ATG2B: variants seen among roughly 807,000 people sequenced by gnomAD.
The protein encoded by ATG2B is autophagy related 2B, also known as autophagy-related protein 2 homolog B.
In ATG2B, 121 loss-of-function variants were observed where a neutral mutation model predicts 241.3. That is an observed-to-expected ratio of 0.50 (90% CI 0.43 to 0.58). The LOEUF (loss-of-function observed/expected upper bound fraction) is 0.58, where lower values mean the gene tolerates loss of function less well. ATG2B is among the 20% of genes least tolerant of loss of function. ATG2B has a pLI of 0.00. For synonymous variants in ATG2B, 858 were observed against 876.6 expected, an observed-to-expected ratio of 0.98 and a Z score of 0.37; for missense variants, 2,306 against 2,491.6, an observed-to-expected ratio of 0.93 and a Z score of 1.59.
chr14:96,343,823 A>T (rs117881090), intron 4 of ATG2B, among the ~76,000 whole-genome samples: 1 of 152,232 alleles, frequency 6.6e-6, no homozygotes, highest in Non-Finnish European at 1.5e-5. Flanking sequence ...GATTTTTTTA[A>T]ATCTACTATT....
Position 96,305,665 on chromosome 14 carries a change from C to A in ATG2B, c.4657G>T (p.Val1553Phe). ...CCATAAAGATGCCAGACAAGAGAGA[C>A]CTCCTTCACCACATAGCGAATCACA... is the stretch of plus-strand genomic sequence containing the variant. ...IPVIRYVVKE[V>F]SLVWHLYGGK... The change falls in exon 31 of 42, where the codon GTC (valine) becomes TTC (phenylalanine). Residue 1553 changes from valine to phenylalanine, a missense_variant. Val to Phe is a conservative substitution (Grantham distance 50). This residue lies in a region of ATG2B where 1,927 missense variants were observed against 2,011.2 expected (regional missense o/e 0.96). Transcript: ENST00000359933. 2 of 1,614,182 alleles carry A rather than the reference C, an allele frequency of 1.2e-6. No homozygotes were observed. The highest frequency in any genetic ancestry group is 1.7e-6 in the Non-Finnish European group (2 of 1,180,026).
intron 5 of ATG2B, among the ~76,000 whole-genome samples, 169 bp downstream of exon 5, chr14:96,342,950 G>A (rs1268713683): frequency 6.6e-6 from 1 of 152,008 alleles, no homozygotes; most frequent in Non-Finnish European, 1.5e-5. Context: ...ATAAATATTA[G>A]TATTTTCAAA....
rs561560167 is a variant in ATG2B at position 96,291,944 on chromosome 14, T to C, written c.5496+85A>G. ...TCATTTCAAACATATATATAAACTA[T>C]GACAAAGCAAAGTTAAAAATAAAAA... is the stretch of plus-strand genomic sequence containing the variant. On this transcript the variant is annotated intron_variant, in intron 37 of 41. Coordinates refer to ENST00000359933, the MANE Select transcript of ATG2B (RefSeq NM_018036.7). 7 of 969,510 alleles carry C rather than the reference T, an allele frequency of 7.2e-6. No individual in the cohort carries two copies. The Middle Eastern group carries it at 9.7e-4, about 134-fold the overall frequency. 60.1% of individuals were successfully genotyped at this position (969,510 alleles called of 1,614,324 possible).
At position 96,306,828 on chromosome 14, in the gene ATG2B, C is replaced by G; in HGVS notation, c.4392G>C (p.Glu1464Asp). 1 of 1,614,094 alleles carries G rather than the reference C, an allele frequency of 6.2e-7. No homozygotes were observed. Among genetic ancestry groups the G allele is most frequent in the Non-Finnish European group, 8.5e-7 (1 of 1,180,014 alleles). Reference sequence around the variant, plus strand: ...AGAATGAGGCATAGGTGGGGCCGGACTCCTGGGATACATTCCCACTCTCGT... The same window carrying G: ...AGAATGAGGCATAGGTGGGGCCGGAGTCCTGGGATACATTCCCACTCTCGT... The part of the protein sequence containing the change: ...FPDESGNVSQ[E>D]SGPTYASFSH... The change falls in exon 30 of 42, where the codon GAG (glutamate) becomes GAC (aspartate). Residue 1464 changes from glutamate to aspartate, a missense_variant. This residue lies in a region of ATG2B where 1,927 missense variants were observed against 2,011.2 expected (regional missense o/e 0.96). Coordinates refer to ENST00000359933, the MANE Select transcript of ATG2B (RefSeq NM_018036.7).
Position 96,285,984 on chromosome 14 carries a change from C to T in ATG2B, c.6008G>A (p.Gly2003Glu). The T allele has an allele frequency of 4.3e-6, 7 of 1,610,050 alleles. No homozygotes were observed. The highest frequency in any genetic ancestry group is 5.1e-6 in the Non-Finnish European group (6 of 1,177,504). ...AATGGTCTGAGCCGTGTCTGTGATT[C>T]CCTGCGTAGAGGAGGGAGGTAGGAG... ...VAKAYSVVKE[G>E]ITDTAQTIYE... Residue 2003 changes from glycine (G) to glutamate (E), a missense_variant and splice_region_variant, in exon 42 of 42, where the codon GGA (glycine) becomes GAA (glutamate). By Grantham distance (98) the Gly-to-Glu change is moderately conservative. This residue lies in a region of ATG2B where 379 missense variants were observed against 480.4 expected (regional missense o/e 0.79). Coordinates refer to ENST00000359933, the MANE Select transcript of ATG2B (RefSeq NM_018036.7). The surrounding 1 kb of genome is among the most constrained non-coding windows in gnomAD (Gnocchi z 4.2).
At chr14:96,323,536 A>G (rs1887511992) in intron 16 of ATG2B, among the ~76,000 whole-genome samples, 1 of 152,210 alleles carries the variant, frequency 6.6e-6, no homozygotes, top group African/African-American at 2.4e-5. Flanking sequence ...TACATATCCT[A>G]ATATAAATTG....
In ATG2B at chr14:96,363,172, A is replaced by G; in HGVS notation, c.-196T>C. The G allele has an allele frequency of 1.7e-6, 1 of 590,962 alleles. No individual in the cohort carries two copies. Among genetic ancestry groups the G allele is most frequent in the South Asian group, 2.0e-5 (1 of 48,782 alleles). 36.6% of individuals were successfully genotyped at this position (590,962 alleles called of 1,614,324 possible). On this transcript the variant is annotated 5_prime_UTR_variant, in exon 1 of 42. Coordinates refer to ENST00000359933, the MANE Select transcript of ATG2B (RefSeq NM_018036.7). ...TCGCGCTGGGCCTGGCGGAGGCAAG[A>G]CGCAGAGGGGTCCTCCTGGCCCCAG...
intron 34 of ATG2B, among the ~76,000 whole-genome samples, 198 bp downstream of exon 34, chr14:96,301,808 GA>G (rs1290479921): frequency 6.6e-6 from 1 of 151,552 alleles, no homozygotes; most frequent in Non-Finnish European, 1.5e-5. Context: ...GGAGACTGGG[GA>G]ATAACATCTA....
At chr14:96,318,276 T>C (rs909426541) in intron 18 of ATG2B, 3 of 153,744 alleles carry the variant, frequency 2.0e-5, no homozygotes, top group Non-Finnish European at 4.3e-5. Flanking sequence ...TCCTGCATCA[T>C]CTCACTGACC....
intron 4 of ATG2B, among the ~76,000 whole-genome samples, chr14:96,344,155 C>T (rs954179359): frequency 6.6e-6 from 1 of 152,170 alleles, no homozygotes. Flanking sequence ...CTAAAAGCAA[C>T]GTACTTATAT....
Position 96,304,538 on chromosome 14 carries a change from T to C in ATG2B, c.4799A>G (p.Lys1600Arg), listed in dbSNP as rs759204671. The change falls in exon 32 of 42, where the codon AAA (lysine) becomes AGA (arginine). Residue 1600 changes from lysine (K) to arginine (R), a missense_variant. This residue lies in a region of ATG2B where 1,927 missense variants were observed against 2,011.2 expected (regional missense o/e 0.96). Transcript: ENST00000359933. ...CATTAAAAAGTCATGGTTCCTTCCT[T>C]TTCCCCCACATACTGTATTACGTCC... Reference protein sequence around the residue: ...RHGRNTVCGGKGRNHDFLMEI... With the variant: ...RHGRNTVCGGRGRNHDFLMEI... The C allele has an allele frequency of 3.7e-6, 6 of 1,613,558 alleles. No homozygotes were observed. In the African/African-American group the frequency reaches 8.0e-5, roughly 22 times the overall value.
chr14:96,356,218 C>T (rs565349745), intron 1 of ATG2B, among the ~76,000 whole-genome samples: 49 of 151,500 alleles, frequency 3.2e-4, no homozygotes, highest in Non-Finnish European at 6.2e-4. Flanking sequence ...AACATTTCAT[C>T]AGCACCTACT....
intron 23 of ATG2B, 141 bp from the exon 24 acceptor site, chr14:96,313,576 T>A (rs1887223366): frequency 3.9e-6 from 2 of 516,048 alleles, no homozygotes; most frequent in South Asian, 7.2e-5. Flanking sequence ...AGGAAAAAAA[T>A]CATCATTTTG....
At chr14:96,350,229 T>C (rs1312720832) in intron 1 of ATG2B, among the ~76,000 whole-genome samples, 2 of 152,152 alleles carry the variant, frequency 1.3e-5, no homozygotes, top group Non-Finnish European at 2.9e-5. Context: ...TGGGAACTTA[T>C]ACAGTGTAAA....
rs1264923638 is a variant in ATG2B, at chr14:96,279,232, T to C, written c.*6523A>G. ...GATGAACTTTTATTTCATATATATT[T>C]ATATTTTAAAAATTATTACAAGTAT... On this transcript the variant is annotated 3_prime_UTR_variant, in exon 42 of 42. Transcript: ENST00000359933. 1.3e-5 allele frequency: 2 copies of C among 152,312 alleles called. No individual in the cohort carries two copies. Among genetic ancestry groups the C allele is most frequent in the East Asian group, 3.9e-4 (2 of 5,172 alleles). The allele number at this position is 152,312 out of a possible 1,614,324, so 9.4% of individuals were successfully genotyped here.
rs755179576 is a variant in ATG2B at position 96,295,109 on chromosome 14, T to G, written c.5277A>C (p.Ser1759=). 8 of 1,614,088 alleles carry G rather than the reference T, an allele frequency of 5.0e-6. No individual in the cohort carries two copies. Among genetic ancestry groups the G allele is most frequent in the South Asian group, 4.4e-5 (4 of 91,088 alleles). ...TCSLPRHLST[S]KEPNLVISFS... ...AAGAAATAACCAGATTTGGCTCCTT[T>G]GAGGTACTCAAATGCCTTGGCAAAC... The change falls in exon 36 of 42, where the codon TCA becomes TCC. Residue 1759 remains serine, a synonymous_variant. Transcript: ENST00000359933.
At position 96,332,603 on chromosome 14, in the gene ATG2B, A is replaced by T; in HGVS notation, c.1260T>A (p.Ser420=). The T allele has an allele frequency of 6.2e-7, 1 of 1,608,574 alleles. No individual in the cohort carries two copies. Residue 420 remains serine (S), a synonymous_variant, in exon 9 of 42, where the codon TCT becomes TCA. Transcript: ENST00000359933. ...GGGGGTCCCCAAGGGGTGGAAGAGA[A>T]GAGAGACTATGAGACATGTCCATAT... is the stretch of plus-strand genomic sequence containing the variant. ...MADMDMSHSL[S]SLPPLGDPPN...
intron 7 of ATG2B, 32 bp from the exon 8 acceptor site, chr14:96,333,905 A>T: frequency 6.3e-7 from 1 of 1,583,726 alleles, no homozygotes; most frequent in Non-Finnish European, 8.7e-7. Flanking sequence ...CCAAAACAGT[A>T]ATTAAATTTG....
intron 34 of ATG2B, among the ~76,000 whole-genome samples, chr14:96,297,025 T>C (rs57144266): frequency 0.1 from 15,571 of 152,118 alleles, 1,172 homozygotes; most frequent in East Asian, 0.22. Flanking sequence ...AATATTCTGA[T>C]TCTGAAGCGG....
Sources: allele counts gnomAD v4.1 joint callset (sites outside exome capture counted in the v4.1 genomes callset), GRCh38; gene constraint gnomAD v4.1.1; regional missense constraint gnomAD v4.1.1; non-coding constraint Gnocchi (gnomAD v3.1); transcripts MANE v1.5; gene names NCBI Gene and HGNC (gene_info 2026-07-23, HGNC 2026-07-21).